The following EXOC6 variants were observed in gnomAD, a reference collection of about 807,000 sequenced individuals.
EXOC6 encodes the protein exocyst complex component 6.
Under a neutral mutation model 112.5 loss-of-function variants are expected in EXOC6, and 60 were observed. That is an observed-to-expected ratio of 0.53 (90% CI 0.43 to 0.66). The LOEUF is 0.66. Among genes scored for constraint, EXOC6 ranks in the 30% least tolerant of loss-of-function variants. The pLI is 0.00. For missense variants in EXOC6, 855 were observed against 957.1 expected (o/e 0.89, Z 1.41); for synonymous variants, 295 against 308.0 (o/e 0.96, Z 0.44).
In EXOC6 at chr10:93,024,772, C is replaced by A. The variant is rs184581693; in HGVS notation, c.2169+10505C>A. ...TGCAGTAACCCAGCATTCCCAAACTCATTACAGGGCACCTCCCTCACTTAT... is the reference window on the plus strand; with the variant it reads ...TGCAGTAACCCAGCATTCCCAAACTAATTACAGGGCACCTCCCTCACTTAT... On this transcript the variant is annotated intron_variant, in intron 20 of 21. Transcript: ENST00000260762. Among the ~76,000 whole-genome samples the A allele has an allele frequency of 1.5e-3, 232 of 152,282 alleles. 2 individuals carry two copies. Among genetic ancestry groups the A allele is most frequent in the South Asian group, 0.011 (51 of 4,828 alleles).
intron 17 of EXOC6, among the ~76,000 whole-genome samples, chr10:92,962,738 T>C (rs1004673485): frequency 2.6e-5 from 4 of 152,158 alleles, no homozygotes; most frequent in Non-Finnish European, 5.9e-5. Context: ...GGGGAAGATA[T>C]GGAATGGTTC....
chr10:92,898,616 GT>G (rs901995457), intron 4 of EXOC6, among the ~76,000 whole-genome samples: 1 of 152,076 alleles, frequency 6.6e-6, no homozygotes, highest in Non-Finnish European at 1.5e-5. Context: ...CTCTCTCCCA[GT>G]TTATGTGTTC....
chr10:92,869,481 A>AT (rs1034529820), intron 1 of EXOC6, among the ~76,000 whole-genome samples: 13 of 151,800 alleles, frequency 8.6e-5, no homozygotes, highest in Non-Finnish European at 1.8e-4. Context: ...ACTAATTTTT[A>AT]TTTTTCCTTG....
chr10:93,021,778 G>C (rs80299359), intron 20 of EXOC6, among the ~76,000 whole-genome samples: 2,838 of 152,292 alleles, frequency 0.019, 80 homozygotes, highest in African/African-American at 0.065. Flanking sequence ...AGCTTTAAGA[G>C]GAGATGATTT....
rs374378240 is a variant in EXOC6, at chr10:92,948,278, A to G, written c.1315A>G (p.Ile439Val). ...LKKWAGVFRD[I>V]FEEDNYSPIP... ...TCAATTTTCCTTTCCTAACAGGGAC[A>G]TTTTTGAAGAAGATAATTACAGCCC... Residue 439 changes from isoleucine (I) to valine (V), a missense_variant, in exon 14 of 22, where the codon ATT (isoleucine) becomes GTT (valine). Physicochemically the swap from Ile to Val is conservative, Grantham distance 29 (BLOSUM62 3). Around this residue, in one of 2 missense-constraint regions of EXOC6, gnomAD observed 450 missense variants for 563.5 expected, o/e 0.80. Coordinates refer to ENST00000260762, the MANE Select transcript of EXOC6 (RefSeq NM_019053.6). 837 of 1,596,966 alleles carry G rather than the reference A, an allele frequency of 5.2e-4. 10 individuals carry two copies. The South Asian group carries it at 6.3e-3, about 12-fold the overall frequency.
chr10:93,034,623 C>T (rs1487019221), intron 20 of EXOC6, among the ~76,000 whole-genome samples: 1 of 152,190 alleles, frequency 6.6e-6, no homozygotes, highest in Non-Finnish European at 1.5e-5. Context: ...AGAGACTGGA[C>T]GTCTGCCAGG....
intron 17 of EXOC6, among the ~76,000 whole-genome samples, chr10:92,965,618 C>G (rs574690685): frequency 6.6e-6 from 1 of 152,276 alleles, no homozygotes; most frequent in East Asian, 1.9e-4. Context: ...TTAGCAATTA[C>G]TAAATCGTTA....
chr10:93,014,516 C>T (rs1377264839), intron 20 of EXOC6, among the ~76,000 whole-genome samples: 1 of 152,168 alleles, frequency 6.6e-6, no homozygotes, highest in Non-Finnish European at 1.5e-5. Context: ...CTGCTAAGCA[C>T]ATTACTAAAT....
At chr10:92,913,408 C>T (rs1850908527) in intron 6 of EXOC6, among the ~76,000 whole-genome samples, 1 of 152,128 alleles carries the variant, frequency 6.6e-6, no homozygotes. Flanking sequence ...AAGACCACAC[C>T]ACTTCATCTT....
chr10:92,891,522 C>T (rs1849499845), intron 1 of EXOC6, among the ~76,000 whole-genome samples: 1 of 152,180 alleles, frequency 6.6e-6, no homozygotes, highest in African/African-American at 2.4e-5. Flanking sequence ...CACTCTGTCA[C>T]CCAGGCTGGG....
chr10:92,987,415 A>G (rs923386161), intron 18 of EXOC6, among the ~76,000 whole-genome samples: 1 of 152,092 alleles, frequency 6.6e-6, no homozygotes, highest in African/African-American at 2.4e-5. Context: ...GGATGTAAAA[A>G]CTCATGCCTA....
At chr10:92,874,427 A>G (rs1375780541) in intron 1 of EXOC6, among the ~76,000 whole-genome samples, 1 of 76,858 alleles carries the variant, frequency 1.3e-5, no homozygotes, top group African/African-American at 4.4e-5. Flanking sequence ...TTGTGACACA[A>G]ACAGAAAATT....
chr10:93,058,154 T>C, intron 21 of EXOC6, 69 bp from the exon 22 acceptor site: 1 of 1,439,024 alleles, frequency 6.9e-7, no homozygotes, highest in Non-Finnish European at 9.5e-7. Flanking sequence ...CATGCCAAGA[T>C]ATTTTACTTG....
At chr10:92,948,221 A>T in intron 13 of EXOC6, 53 bp from the exon 14 acceptor site, 1 of 1,161,232 alleles carries the variant, frequency 8.6e-7, no homozygotes, top group Non-Finnish European at 1.2e-6. Flanking sequence ...GTCTTTTAGT[A>T]CTCTAATAAT....
At chr10:93,038,849 A>C (rs1024535462) in intron 20 of EXOC6, among the ~76,000 whole-genome samples, 20 of 152,212 alleles carry the variant, frequency 1.3e-4, no homozygotes, top group Non-Finnish European at 7.3e-5. Flanking sequence ...GAAAACAAAC[A>C]TACAAAGGAA....
At chr10:92,930,274 A>C (rs1851953327) in intron 9 of EXOC6, among the ~76,000 whole-genome samples, 2 of 152,102 alleles carry the variant, frequency 1.3e-5, no homozygotes. Context: ...AGGCTGAGGC[A>C]GGCGGATCAC....
intron 13 of EXOC6, among the ~76,000 whole-genome samples, chr10:92,944,717 T>C (rs563898949): frequency 5.3e-5 from 8 of 152,084 alleles, no homozygotes; most frequent in South Asian, 2.1e-4. Context: ...CCAACACTTA[T>C]CTTGTGTCTG....
chr10:92,968,304 C>T (rs984370671), intron 17 of EXOC6, among the ~76,000 whole-genome samples: 5 of 151,992 alleles, frequency 3.3e-5, no homozygotes, highest in African/African-American at 1.2e-4. Flanking sequence ...CCCACCTCAG[C>T]CTCCTGAGTA....
intron 8 of EXOC6, among the ~76,000 whole-genome samples, chr10:92,927,879 A>G (rs186610144): frequency 1.3e-5 from 2 of 152,336 alleles, no homozygotes; most frequent in East Asian, 3.9e-4. Flanking sequence ...GCCTGCACAA[A>G]AGCCTGGAAG....
Sources: allele counts gnomAD v4.1 joint callset (sites outside exome capture counted in the v4.1 genomes callset), GRCh38; gene constraint gnomAD v4.1.1; regional missense constraint gnomAD v4.1.1; transcripts MANE v1.5; gene names NCBI Gene and HGNC (gene_info 2026-07-23, HGNC 2026-07-21).